DGAT1: variants seen among roughly 807,000 people sequenced by gnomAD.
DGAT1 encodes the protein diacylglycerol O-acyltransferase 1.
In DGAT1, 60 loss-of-function variants were observed where a neutral mutation model predicts 72.6. The ratio of observed to expected loss-of-function variants is 0.83; its 90% confidence interval spans 0.67 to 1.02. DGAT1 has a LOEUF of 1.02. Ranked by LOEUF, DGAT1 falls within the 50% of genes least tolerant of loss-of-function variation. The pLI, the probability that DGAT1 is intolerant of heterozygous loss-of-function variation, is 0.00. For missense variants in DGAT1, 592 were observed against 670.0 expected, an observed-to-expected ratio of 0.88 and a Z score of 1.29; for synonymous variants, 290 against 267.5, an observed-to-expected ratio of 1.08 and a Z score of -0.82.
rs138148729 is a variant in DGAT1 at position 144,316,045 on chromosome 8, G to A, written c.*509C>T. ...ACTGAGGGCCAGAGTGCCGATTCCCGCACACCCAGCAGGAGTAGCACCAGG... is the reference window on the plus strand; with the variant it reads ...ACTGAGGGCCAGAGTGCCGATTCCCACACACCCAGCAGGAGTAGCACCAGG... On this transcript the variant is annotated 3_prime_UTR_variant, in exon 17 of 17. Coordinates refer to ENST00000528718, the MANE Select transcript of DGAT1 (RefSeq NM_012079.6). 121 of 535,996 alleles carry A rather than the reference G, an allele frequency of 2.3e-4. No individual in the cohort carries two copies. The highest frequency in any genetic ancestry group is 2.2e-3 in the African/African-American group (109 of 48,642). The allele number at this position is 535,996 out of a possible 1,614,324, so 33.2% of individuals were successfully genotyped here.
At position 144,319,163 on chromosome 8, in the gene DGAT1, C is replaced by A. The variant is rs1305202252; in HGVS notation, c.289-95G>T. On this transcript the variant is annotated intron_variant, in intron 2 of 16. Transcript: ENST00000528718. Reference sequence around the variant, plus strand: ...CAACACCTCTGGGCACGTCCCAGCCCGAGCTCAGGGCGGCAGCCTCAGGCT... The same window carrying A: ...CAACACCTCTGGGCACGTCCCAGCCAGAGCTCAGGGCGGCAGCCTCAGGCT... The A allele has an allele frequency of 3.4e-6, 5 of 1,453,032 alleles. No individual in the cohort carries two copies. The East Asian group carries it at 9.9e-5, about 29-fold the overall frequency. 90.0% of individuals were successfully genotyped at this position (1,453,032 alleles called of 1,614,324 possible).
chr8:144,316,853 CT>C lies in DGAT1; in HGVS notation c.1310del (p.Gln437ArgfsTer31). On this transcript the variant is annotated frameshift_variant and splice_region_variant, in exon 16 of 17. Transcript: ENST00000528718. LOFTEE classifies it high-confidence loss of function. ...AGGAGGCCACGTGGGGGTCACTCAC[CT>C]GAGCCATCATGCCCGTGAACGCCCA... ...RLWAFTGMMA[Q>X]IPLAWFVGRF... 5.6e-6 allele frequency: 9 copies of C among 1,609,522 alleles called. No individual in the cohort carries two copies. Among genetic ancestry groups the C allele is most frequent in the Non-Finnish European group, 7.6e-6 (9 of 1,178,596 alleles).
In DGAT1 at chr8:144,317,178, C is replaced by T; in HGVS notation, c.1160+9G>A. ...TGTTCCACATCACACACACACACAC[C>T]CCACCTACCTGATGCACCACTTGTG... On this transcript the variant is annotated intron_variant, in intron 14 of 16. Coordinates refer to ENST00000528718, the MANE Select transcript of DGAT1 (RefSeq NM_012079.6). 1 of 1,607,006 alleles carries T rather than the reference C, an allele frequency of 6.2e-7. No individual in the cohort carries two copies. Among genetic ancestry groups the T allele is most frequent in the South Asian group, 1.1e-5 (1 of 90,770 alleles).
intron 5 of DGAT1, 49 bp from the exon 6 acceptor site, chr8:144,318,615 A>T (rs782309192): frequency 2.5e-6 from 4 of 1,603,840 alleles, no homozygotes; most frequent in Non-Finnish European, 3.4e-6. Context: ...TGCCTGGGAG[A>T]GGGCTGCCAG....
chr8:144,318,882 A>C lies in DGAT1; in HGVS notation c.368T>G (p.Leu123Arg). 1 of 1,611,486 alleles carries C rather than the reference A, an allele frequency of 6.2e-7. No individual in the cohort carries two copies. The highest frequency in any genetic ancestry group is 8.5e-7 in the Non-Finnish European group (1 of 1,178,850). ...CCAGCTATAGGGATCCTTCAGGAAC[A>C]GAGAAACCACCTGGATGGGGTCCAC... ...ILVDPIQVVS[L>R]FLKDPYSWPA... Residue 123 changes from leucine (L) to arginine (R), a missense_variant, in exon 4 of 17, where the codon CTG becomes CGG. Transcript: ENST00000528718.
Position 144,317,525 on chromosome 8 carries a change from G to A in DGAT1, c.981+19C>T, listed in dbSNP as rs782244275. 15 of 1,613,620 alleles carry A rather than the reference G, an allele frequency of 9.3e-6. No individual in the cohort carries two copies. The highest frequency in any genetic ancestry group is 6.7e-5 in the African/African-American group (5 of 74,878). Reference sequence around the variant, plus strand: ...CTGTCCCCTCCTGTCCTGTGCATGCGCCACCTGTCCGCACTCACCGCCAGC... The same window carrying A: ...CTGTCCCCTCCTGTCCTGTGCATGCACCACCTGTCCGCACTCACCGCCAGC... On this transcript the variant is annotated intron_variant, in intron 12 of 16. Transcript: ENST00000528718.
intron 1 of DGAT1, among the ~76,000 whole-genome samples, chr8:144,324,244 A>C (rs1220169473): frequency 6.6e-6 from 1 of 151,942 alleles, no homozygotes; most frequent in Non-Finnish European, 1.5e-5. Flanking sequence ...TGAGGGGAGG[A>C]GGCCCGAGCT....
In DGAT1 at chr8:144,318,825, C is replaced by A; in HGVS notation, c.415+10G>T. On this transcript the variant is annotated intron_variant, in intron 4 of 16. Coordinates refer to ENST00000528718, the MANE Select transcript of DGAT1 (RefSeq NM_012079.6). ...TCCCCACCCGAGGCCCTCCTCAGAG[C>A]CCAGCTCACCAATAACCAGGCATGG... The A allele has an allele frequency of 1.9e-6, 3 of 1,611,088 alleles. No individual in the cohort carries two copies. The highest frequency in any genetic ancestry group is 2.5e-6 in the Non-Finnish European group (3 of 1,178,738).
Position 144,317,404 on chromosome 8 carries a change from G to A in DGAT1, c.1023C>T (p.Leu341=). The A allele has an allele frequency of 1.9e-6, 3 of 1,613,924 alleles. No individual in the cohort carries two copies. The highest frequency in any genetic ancestry group is 2.5e-6 in the Non-Finnish European group (3 of 1,180,012). The change falls in exon 13 of 17, where the codon CTC becomes CTT. Residue 341 remains leucine (L), a synonymous_variant. Transcript: ENST00000528718. ...CCACGGCATTCAGGCAGGAGTGGAA[G>A]AGCCAGTAGAAGAAGATGAGCCAGA... The part of the protein sequence containing the change: ...HLIWLIFFYW[L]FHSCLNAVAE...
At position 144,326,600 on chromosome 8, in the gene DGAT1, C is replaced by A. The variant is rs1554848820; in HGVS notation, c.37G>T (p.Gly13Trp). 8.2e-7 allele frequency: 1 copy of A among 1,221,602 alleles called. No homozygotes were observed. Among genetic ancestry groups the A allele is most frequent in the South Asian group, 3.5e-5 (1 of 28,708 alleles). The allele number at this position is 1,221,602 out of a possible 1,614,324, so 75.7% of individuals were successfully genotyped here. Residue 13 changes from glycine (G) to tryptophan (W), a missense_variant, in exon 1 of 17, where the codon GGG becomes TGG. Physicochemically the swap from Gly to Trp is radical, Grantham distance 184. Transcript: ENST00000528718. ...DRGSSRRRRT[G>W]SRPSSHGGGG... ...CCGCCGTGGCTCGAGGGCCGCGACC[C>A]TGTCCTCCGGCGCCGGGAGCTGCCG...
chr8:144,318,966 G>T, intron 3 of DGAT1, 46 bp from the exon 4 acceptor site: 1 of 1,561,616 alleles, frequency 6.4e-7, no homozygotes, highest in Non-Finnish European at 8.7e-7. Context: ...AGGTGGGGCT[G>T]TGGGGCGGGG....
In DGAT1 at chr8:144,318,330, T is replaced by C. The variant is rs781816553; in HGVS notation, c.607A>G (p.Ile203Val). 2.5e-6 allele frequency: 4 copies of C among 1,612,176 alleles called. No individual in the cohort carries two copies. In the South Asian group the frequency reaches 4.4e-5, roughly 18 times the overall value. The change falls in exon 7 of 17, where the codon ATC becomes GTC. Residue 203 changes from isoleucine to valine, a missense_variant. Ile to Val is a conservative substitution (Grantham distance 29). Transcript: ENST00000528718. ...GSLLALMAHT[I>V]LFLKLFSYRD... ...TAGGAGAAGAGCTTGAGGAAGAGGA[T>C]GGTGTGCGCCATCAGCGCCAGCAGG... is the stretch of plus-strand genomic sequence containing the variant.
rs782091446 is a variant in DGAT1, at chr8:144,317,074, C to G, written c.1196G>C (p.Ser399Thr). ...FYKPMLRRGSSKWMARTGVFL... is the reference protein window; with the variant it reads ...FYKPMLRRGSTKWMARTGVFL... The stretch of plus-strand genomic sequence containing the variant: ...CACCCCTGTCCTGGCCATCCACTTG[C>G]TGCTGCCCCGTCGAAGCATGGGCTT... Residue 399 changes from serine (S) to threonine (T), a missense_variant, in exon 15 of 17, where the codon AGC (serine) becomes ACC (threonine). Ser to Thr is a moderately conservative substitution (Grantham distance 58). Coordinates refer to ENST00000528718, the MANE Select transcript of DGAT1 (RefSeq NM_012079.6). 13 of 1,612,824 alleles carry G rather than the reference C, an allele frequency of 8.1e-6. No homozygotes were observed. The highest frequency in any genetic ancestry group is 9.3e-6 in the Non-Finnish European group (11 of 1,179,958).
At chr8:144,326,214 C>T (rs1053305671) in intron 1 of DGAT1, among the ~76,000 whole-genome samples, 1 of 152,100 alleles carries the variant, frequency 6.6e-6, no homozygotes, top group African/African-American at 2.4e-5. Context: ...GGGACACCTG[C>T]CGGCTCCCCT....
intron 1 of DGAT1, 127 bp downstream of exon 1, chr8:144,326,310 C>T (rs1376721182): frequency 6.7e-6 from 6 of 899,802 alleles, no homozygotes; most frequent in African/African-American, 1.7e-5. Context: ...CCACAGGGCC[C>T]ATAGGGCACA....
rs781953720 is a variant in DGAT1 at position 144,318,748 on chromosome 8, G to A, written c.419C>T (p.Ala140Val). The change falls in exon 5 of 17, where the codon GCC becomes GTC. Residue 140 changes from alanine to valine, a missense_variant. Coordinates refer to ENST00000528718, the MANE Select transcript of DGAT1 (RefSeq NM_012079.6). ...GAATGCAGCCACAGCAAAGACATTG[G>A]CCGCTGTGGACAGAAGCACCAAGGG... ...SWPAPCLVIA[A>V]NVFAVAAFQV... 24 of 1,606,992 alleles carry A rather than the reference G, an allele frequency of 1.5e-5. No homozygotes were observed. The South Asian group carries it at 2.6e-4, about 17-fold the overall frequency.
chr8:144,326,444 C>G lies in DGAT1; in HGVS notation c.193G>C (p.Glu65Gln). ...GDAGVGSGHW[E>Q]LRCHRLQDSL... The stretch of plus-strand genomic sequence containing the variant: ...GGTCAGGCGCTCCGCTACCTCAGCT[C>G]CCAGTGGCCGCTGCCCACGCCGGCG... Residue 65 changes from glutamate to glutamine, a missense_variant, in exon 1 of 17, where the codon GAG becomes CAG. By Grantham distance (29) the Glu-to-Gln change is conservative. Transcript: ENST00000528718. The G allele has an allele frequency of 2.2e-6, 3 of 1,372,570 alleles. No homozygotes were observed. In the South Asian group the frequency reaches 4.7e-5, roughly 22 times the overall value. The allele number at this position is 1,372,570 out of a possible 1,614,324, so 85.0% of individuals were successfully genotyped here. A position where few individuals can be genotyped will look rare whatever the true frequency, so the allele number is the denominator to read the frequency against.
Position 144,315,002 on chromosome 8 carries a change from A to G in DGAT1, c.*1552T>C, listed in dbSNP as rs528309600. 1.5e-5 allele frequency: 15 copies of G among 985,738 alleles called. No individual in the cohort carries two copies. The East Asian group carries it at 3.4e-4, about 22-fold the overall frequency. The allele number at this position is 985,738 out of a possible 1,614,324, so 61.1% of individuals were successfully genotyped here. A position where few individuals can be genotyped will look rare whatever the true frequency, so the allele number is the denominator to read the frequency against. ...CAAGGTGTTCGCACTCGGACAGGTGATGCGGGGCGGGCACACTGTCTTTCT... is the reference window on the plus strand; with the variant it reads ...CAAGGTGTTCGCACTCGGACAGGTGGTGCGGGGCGGGCACACTGTCTTTCT... On this transcript the variant is annotated 3_prime_UTR_variant, in exon 17 of 17. Coordinates refer to ENST00000528718, the MANE Select transcript of DGAT1 (RefSeq NM_012079.6).
intron 3 of DGAT1, 25 bp downstream of exon 3, chr8:144,319,003 G>A (rs1179990693): frequency 6.4e-7 from 1 of 1,558,966 alleles, no homozygotes; most frequent in South Asian, 1.2e-5. Flanking sequence ...GTGGGGCAGG[G>A]GTGGGACCTG....
Sources: allele counts gnomAD v4.1 joint callset (sites outside exome capture counted in the v4.1 genomes callset), GRCh38; gene constraint gnomAD v4.1.1; transcripts MANE v1.5; gene names NCBI Gene and HGNC (gene_info 2026-07-23, HGNC 2026-07-21).